Variants in DPYSL2 observed in about 807,000 individuals in gnomAD.
DPYSL2 encodes the protein dihydropyrimidinase-related protein 2.
A neutral mutation model predicts 69.9 loss-of-function variants in DPYSL2; 13 were observed. The ratio of observed to expected loss-of-function variants is 0.19; its 90% CI spans 0.12 to 0.30. The LOEUF is 0.30. Among genes scored for constraint, DPYSL2 ranks in the 10% least tolerant of loss-of-function variants. DPYSL2 has a pLI of 1.00. For missense variants in DPYSL2, 587 were observed against 918.9 expected, an observed-to-expected ratio of 0.64 and a Z score of 4.67; for synonymous variants, 326 against 359.1, an observed-to-expected ratio of 0.91 and a Z score of 1.04.
intron 7 of DPYSL2, among the ~76,000 whole-genome samples, chr8:26,631,366 C>T (rs553067988): frequency 6.6e-6 from 1 of 152,260 alleles, no homozygotes; most frequent in South Asian, 2.1e-4. Context: ...GAGCAGAAGG[C>T]AAACTGCCAC....
intron 3 of DPYSL2, among the ~76,000 whole-genome samples, chr8:26,618,932 TG>T (rs1485069390): frequency 6.6e-6 from 1 of 151,926 alleles, no homozygotes; most frequent in Non-Finnish European, 1.5e-5. Flanking sequence ...CACTCCAGCC[TG>T]GGCAACAAGA....
At position 26,627,125 on chromosome 8, in the gene DPYSL2, C is replaced by A. The variant is rs1222925562; in HGVS notation, c.856-90C>A. On this transcript the variant is annotated intron_variant, in intron 5 of 13. Coordinates refer to ENST00000521913, the MANE Select transcript of DPYSL2 (RefSeq NM_001197293.3). The surrounding 1 kb of genome is among the most constrained non-coding windows in gnomAD (Gnocchi z 6.9). The stretch of plus-strand genomic sequence containing the variant: ...TCGCCTAGGTGTCCTGTTTCTCATC[C>A]CAGAAATGCCTCTGGTGGGGAGATG... The A allele has an allele frequency of 7.9e-7, 1 of 1,267,192 alleles. No homozygotes were observed. 78.5% of individuals were successfully genotyped at this position (1,267,192 alleles called of 1,614,324 possible).
At chr8:26,529,276 C>CTATCTATCT (rs1554531948) in intron 1 of DPYSL2, among the ~76,000 whole-genome samples, 16 of 136,382 alleles carry the variant, frequency 1.2e-4, no homozygotes, top group Middle Eastern at 3.6e-3. Flanking sequence ...ATCTATCTAT[C>CTATCTATCT]ATCTATCTAT....
In DPYSL2 at chr8:26,626,123, G is replaced by C. The variant is rs1008632732; in HGVS notation, c.794-494G>C. Among the ~76,000 whole-genome samples the C allele has an allele frequency of 6.6e-6, 1 of 152,164 alleles. No homozygotes were observed. The highest frequency in any genetic ancestry group is 2.4e-5 in the African/African-American group (1 of 41,442). On this transcript the variant is annotated intron_variant, in intron 4 of 13. Transcript: ENST00000521913. The surrounding 1 kb of genome is among the most constrained non-coding windows in gnomAD (Gnocchi z 4.3). ...GCAACTGGCTTATTTCATTTACCAT[G>C]ATGTCCTTAAGGTTTCTCCATGTTG...
At chr8:26,596,451 C>T (rs190252287) in intron 3 of DPYSL2, among the ~76,000 whole-genome samples, 37 of 152,292 alleles carry the variant, frequency 2.4e-4, no homozygotes, top group South Asian at 8.3e-4. Flanking sequence ...CCAGTGAGCT[C>T]GGGAAGGGGA....
rs1801131302 is a variant in DPYSL2 at position 26,565,329 on chromosome 8, G to A, written c.355-16640G>A. On this transcript the variant is annotated intron_variant, in intron 1 of 13. Coordinates refer to ENST00000521913, the MANE Select transcript of DPYSL2 (RefSeq NM_001197293.3). The surrounding 1 kb of genome is among the most constrained non-coding windows in gnomAD (Gnocchi z 4.1). ...TGAGTGTTCTGTGGCTGCTCCCACA[G>A]AAGTGGTTAGGGAATAGTGAATTTT... 6.6e-6 allele frequency among the ~76,000 whole-genome samples: 1 copy of A among 152,146 alleles called. No homozygotes were observed. Among genetic ancestry groups the A allele is most frequent in the African/African-American group, 2.4e-5 (1 of 41,430 alleles).
At chr8:26,649,080 A>G (rs1401755838) in intron 11 of DPYSL2, among the ~76,000 whole-genome samples, 1 of 152,194 alleles carries the variant, frequency 6.6e-6, no homozygotes, top group Admixed American at 6.5e-5. Context: ...CTGTAACTTC[A>G]CATTCTCATT....
chr8:26,547,183 C>T (rs1215867631), intron 1 of DPYSL2, among the ~76,000 whole-genome samples: 6 of 151,454 alleles, frequency 4.0e-5, no homozygotes, highest in South Asian at 2.1e-4. Context: ...GGCAATGTGG[C>T]GAAATCCTGT....
In DPYSL2 at chr8:26,644,105, G is replaced by A. The variant is rs769186353; in HGVS notation, c.1425+14G>A. The A allele has an allele frequency of 2.5e-6, 4 of 1,613,190 alleles. No individual in the cohort carries two copies. The highest frequency in any genetic ancestry group is 2.7e-5 in the African/African-American group (2 of 74,906). ...GACAAGGCTGTGGTAAGGAGCGATG[G>A]CCTCACTCCTTGGTGGCTCTCAGCC... On this transcript the variant is annotated intron_variant, in intron 10 of 13. Coordinates refer to ENST00000521913, the MANE Select transcript of DPYSL2 (RefSeq NM_001197293.3). The surrounding 1 kb of genome is among the most constrained non-coding windows in gnomAD (Gnocchi z 4.5).
chr8:26,563,110 G>T (rs113740230), intron 1 of DPYSL2, among the ~76,000 whole-genome samples: 4 of 152,096 alleles, frequency 2.6e-5, no homozygotes, highest in African/African-American at 9.7e-5. Flanking sequence ...AAGCCCACCC[G>T]AATTCAAAGG....
At position 26,646,140 on chromosome 8, in the gene DPYSL2, A is replaced by G. The variant is rs140741101; in HGVS notation, c.1426-1490A>G. ...CTCAGCCTCCCAAAGTGCTGGGATT[A>G]CAGGTGTGAGCCACCACGCCCAGCC... On this transcript the variant is annotated intron_variant, in intron 10 of 13. Transcript: ENST00000521913. Among the ~76,000 whole-genome samples the G allele has an allele frequency of 3.2e-3, 479 of 151,708 alleles. 4 individuals are homozygous for G. Among genetic ancestry groups the G allele is most frequent in the African/African-American group, 0.011 (464 of 41,334 alleles).
At chr8:26,578,169 AC>A in intron 1 of DPYSL2, 2 of 1,605,170 alleles carry the variant, frequency 1.2e-6, no homozygotes, top group Non-Finnish European at 1.7e-6. Context: ...AAAAAACAAA[AC>A]AAAACAAAAA....
At chr8:26,538,246 T>C (rs534403093) in intron 1 of DPYSL2, among the ~76,000 whole-genome samples, 5 of 152,286 alleles carry the variant, frequency 3.3e-5, no homozygotes, top group Admixed American at 3.3e-4. Context: ...GAGGCACCAG[T>C]GCTTATCTCC....
At chr8:26,592,145 T>G (rs1439940435) in intron 3 of DPYSL2, among the ~76,000 whole-genome samples, 1 of 152,168 alleles carries the variant, frequency 6.6e-6, no homozygotes, top group Non-Finnish European at 1.5e-5. Context: ...TTAAAAAAAT[T>G]AATGGTGCAG....
intron 3 of DPYSL2, among the ~76,000 whole-genome samples, chr8:26,612,122 A>C (rs7832234): frequency 0.17 from 26,349 of 152,200 alleles, 2,380 homozygotes; most frequent in Middle Eastern, 0.24. Flanking sequence ...TGGAAGGTAG[A>C]CATTTATTTG....
chr8:26,558,589 T>C (rs1801026019), intron 1 of DPYSL2, among the ~76,000 whole-genome samples: 1 of 152,218 alleles, frequency 6.6e-6, no homozygotes, highest in South Asian at 2.1e-4. Context: ...ACTGTGGACT[T>C]CAGTGAATAA....
Position 26,580,432 on chromosome 8 carries a change from C to T in DPYSL2, c.355-1537C>T, listed in dbSNP as rs1027663860. Among the ~76,000 whole-genome samples, 25 of 152,220 alleles carry T rather than the reference C, an allele frequency of 1.6e-4. No homozygotes were observed. The highest frequency in any genetic ancestry group is 5.5e-4 in the African/African-American group (23 of 41,458). On this transcript the variant is annotated intron_variant, in intron 1 of 13. Transcript: ENST00000521913. This position sits in a 1 kb window ranked among gnomAD's most constrained non-coding sequence, Gnocchi z 4.1. ...GTGCACGGCTTTGTAAAGGTCTTTA[C>T]ACTTACCTTATACAGGTGCAGGAAT...
chr8:26,639,570 A>T (rs182440780), intron 8 of DPYSL2, among the ~76,000 whole-genome samples: 1 of 152,258 alleles, frequency 6.6e-6, no homozygotes, highest in Admixed American at 6.5e-5. Context: ...GAAACTTTTG[A>T]TTCATTCATG....
intron 1 of DPYSL2, among the ~76,000 whole-genome samples, chr8:26,561,462 TG>T (rs2129662358): frequency 6.6e-6 from 1 of 152,300 alleles, no homozygotes; most frequent in South Asian, 2.1e-4. Context: ...TATTTCCACT[TG>T]GATATCTTAA....
Sources: gnomAD v4.1 joint callset for allele counts (sites outside exome capture counted in the v4.1 genomes callset) on GRCh38, gnomAD v4.1.1 for gene constraint, Gnocchi (gnomAD v3.1) non-coding constraint, MANE v1.5 for transcripts, NCBI Gene and HGNC (gene_info 2026-07-23, HGNC 2026-07-21) for gene names.